IFNLR1: variants seen among roughly 807,000 people sequenced by gnomAD.
The protein encoded by IFNLR1 is interferon lambda receptor 1, also known as CRF2-12.
IFNLR1 carries 28 observed loss-of-function variants against 52.5 expected under a neutral mutation model. The ratio of observed to expected loss-of-function variants is 0.53; its 90% CI spans 0.40 to 0.73. The LOEUF (loss-of-function observed/expected upper bound fraction) is 0.73. Among genes scored for constraint, IFNLR1 ranks in the 30% least tolerant of loss-of-function variants. The pLI, the probability that IFNLR1 is intolerant of heterozygous loss-of-function variation, is 0.00. For synonymous variants in IFNLR1, 276 were observed against 274.9 expected (o/e 1.00, Z -0.04); for missense variants, 623 against 659.1 (o/e 0.95, Z 0.60).
At chr1:24,174,449 C>G (rs1644612082) in intron 2 of IFNLR1, among the ~76,000 whole-genome samples, 1 of 151,926 alleles carries the variant, frequency 6.6e-6, no homozygotes, top group Admixed American at 6.6e-5. Flanking sequence ...TTAGAGAAAG[C>G]CTATATTGCC....
chr1:24,163,764 A>G (rs1644490987), intron 3 of IFNLR1, among the ~76,000 whole-genome samples: 1 of 152,030 alleles, frequency 6.6e-6, no homozygotes, highest in South Asian at 2.1e-4. Flanking sequence ...TTTTTAGTAG[A>G]GATGGGGTTT....
At chr1:24,182,849 G>A (rs573894544) in intron 1 of IFNLR1, among the ~76,000 whole-genome samples, 109 of 152,060 alleles carry the variant, frequency 7.2e-4, no homozygotes, top group Non-Finnish European at 1.5e-3. Context: ...GAATCCGGGA[G>A]GTGGAGGTTG....
chr1:24,165,119 G>C (rs1308458872), intron 3 of IFNLR1, among the ~76,000 whole-genome samples: 1 of 152,082 alleles, frequency 6.6e-6, no homozygotes, highest in African/African-American at 2.4e-5. Flanking sequence ...AAATCATCAA[G>C]TCCTGGTTCC....
chr1:24,166,241 AATC>A (rs1644518670), intron 3 of IFNLR1, among the ~76,000 whole-genome samples: 1 of 150,726 alleles, frequency 6.6e-6, no homozygotes, highest in East Asian at 2.0e-4. Flanking sequence ...CTTTCTTCTC[AATC>A]ATCCTTTCTA....
At chr1:24,184,667 G>C (rs146836989) in intron 1 of IFNLR1, among the ~76,000 whole-genome samples, 1 of 152,034 alleles carries the variant, frequency 6.6e-6, no homozygotes, top group Non-Finnish European at 1.5e-5. Flanking sequence ...CTTCCTCCAG[G>C]GAATCTTCCT....
intron 1 of IFNLR1, among the ~76,000 whole-genome samples, chr1:24,186,791 C>G (rs1320685524): frequency 2.0e-5 from 3 of 152,186 alleles, no homozygotes; most frequent in African/African-American, 7.2e-5. Flanking sequence ...CTGGCAGGAA[C>G]GGGAAGGGAC....
At chr1:24,180,410 C>G (rs1644677164) in intron 2 of IFNLR1, among the ~76,000 whole-genome samples, 4 of 152,226 alleles carry the variant, frequency 2.6e-5, no homozygotes, top group South Asian at 2.1e-4. Context: ...GGGACAGCTC[C>G]AAGCACCTCA....
At chr1:24,177,576 T>C (rs528750366) in intron 2 of IFNLR1, among the ~76,000 whole-genome samples, 1 of 152,330 alleles carries the variant, frequency 6.6e-6, no homozygotes, top group African/African-American at 2.4e-5. Context: ...TGGCAGCCAG[T>C]TGGGTTGTGC....
chr1:24,163,702 C>T (rs1160857070), intron 3 of IFNLR1, among the ~76,000 whole-genome samples: 3 of 152,068 alleles, frequency 2.0e-5, no homozygotes, highest in Non-Finnish European at 4.4e-5. Flanking sequence ...GCCTCAGCCT[C>T]CCGAGTAGCT....
Position 24,159,726 on chromosome 1 carries a change from G to GTTTTGTTTTTTTTGT in IFNLR1, c.511-94_511-93insACAAAAAAAACAAAA. 43 of 761,870 alleles carry GTTTTGTTTTTTTTGT rather than the reference G, an allele frequency of 5.6e-5. 1 individual carries two copies. The highest frequency in any genetic ancestry group is 3.3e-4 in the Middle Eastern group (1 of 3,024). 47.2% of individuals were successfully genotyped at this position (761,870 alleles called of 1,614,324 possible). ...GTGGGGTTGGCAGACATGGTAGGGT[G>GTTTTGTTTTTTTTGT]TTTTTTTTTTGTTTTTTTTTTTTGT... On this transcript the variant is annotated intron_variant, in intron 4 of 6. Transcript: ENST00000327535.
In IFNLR1 at chr1:24,161,391, T is replaced by TTA. The variant is rs1471409819; in HGVS notation, c.510+150_510+151insTA. 7.2e-6 allele frequency: 6 copies of TTA among 828,684 alleles called. No homozygotes were observed. The South Asian group carries it at 8.7e-5, about 12-fold the overall frequency. 51.3% of individuals were successfully genotyped at this position (828,684 alleles called of 1,614,324 possible). A position where few individuals can be genotyped will look rare whatever the true frequency, so the allele number is the denominator to read the frequency against. On this transcript the variant is annotated intron_variant, in intron 4 of 6. Transcript: ENST00000327535. Reference sequence around the variant, plus strand: ...TGTAGGTCATCATACTTTGATCAGATTTTATTAGGGCTGACTGCCAGAAGT... The same window carrying TTA: ...TGTAGGTCATCATACTTTGATCAGATTATTTATTAGGGCTGACTGCCAGAAGT...
chr1:24,159,902 A>G (rs949627740), intron 4 of IFNLR1, among the ~76,000 whole-genome samples: 14 of 150,692 alleles, frequency 9.3e-5, no homozygotes, highest in Non-Finnish European at 5.9e-5. Flanking sequence ...ACACCACCAT[A>G]CCTGGGTAAT....
At chr1:24,187,286 CCCCGCCT>C (rs974020339) in exon 1 of IFNLR1, 33 of 1,224,992 alleles carry the variant, frequency 2.7e-5, no homozygotes, top group East Asian at 6.4e-5. Context: ...GGGCCCAGGT[CCCCGCCT>C]CCCGCCTCCC....
In IFNLR1 at chr1:24,157,324, C is replaced by CTT; in HGVS notation, c.1368_1369insAA (p.Glu457LysfsTer17). 6.2e-7 allele frequency: 1 copy of CTT among 1,614,170 alleles called. No homozygotes were observed. The highest frequency in any genetic ancestry group is 8.5e-7 in the Non-Finnish European group (1 of 1,180,026). On this transcript the variant is annotated frameshift_variant, in exon 7 of 7. Transcript: ENST00000327535. LOFTEE classifies it high-confidence loss of function. The surrounding 1 kb of genome is among the most constrained non-coding windows in gnomAD (Gnocchi z 5.1). ...GGTCCCCCAGGGACCAGATTCGGCT[C>CTT]CGGTGGTAAGGTGCCCCAGGTGGCC...
At chr1:24,180,555 C>T (rs1644678658) in intron 2 of IFNLR1, among the ~76,000 whole-genome samples, 176 bp downstream of exon 2, 1 of 152,118 alleles carries the variant, frequency 6.6e-6, no homozygotes, top group Admixed American at 6.5e-5. Context: ...ATCTTCCCCA[C>T]CTCCAGACCT....
At chr1:24,176,096 G>A (rs1203749598) in intron 2 of IFNLR1, among the ~76,000 whole-genome samples, 3 of 152,086 alleles carry the variant, frequency 2.0e-5, no homozygotes, top group South Asian at 2.1e-4. Context: ...ATCCACTGAC[G>A]GGAAAATGGA....
At position 24,157,547 on chromosome 1, in the gene IFNLR1, A is replaced by G. The variant is rs568899756; in HGVS notation, c.1146T>C (p.Ala382=). ...CCCAGCTTCTGTCTGAAGAATCCCA[A>G]GCAGAGGAGCCTTCGCTTGGGACCA... ...APLVPSEGSS[A]WDSSDRSWAS... is the part of the protein sequence containing the mutation. Residue 382 remains alanine (A), a synonymous_variant, in exon 7 of 7, where the codon GCT becomes GCC. Coordinates refer to ENST00000327535, the MANE Select transcript of IFNLR1 (RefSeq NM_170743.4). This position sits in a 1 kb window ranked among gnomAD's most constrained non-coding sequence, Gnocchi z 5.1. The G allele has an allele frequency of 1.2e-6, 2 of 1,612,036 alleles. No homozygotes were observed. The highest frequency in any genetic ancestry group is 4.5e-5 in the East Asian group (2 of 44,856).
At chr1:24,177,250 C>A (rs1265227763) in intron 2 of IFNLR1, among the ~76,000 whole-genome samples, 1 of 152,158 alleles carries the variant, frequency 6.6e-6, no homozygotes, top group Non-Finnish European at 1.5e-5. Flanking sequence ...AATTGGCTCA[C>A]ACGATCACAA....
chr1:24,159,259 A>T, intron 5 of IFNLR1, 77 bp from the exon 6 acceptor site: 1 of 1,528,112 alleles, frequency 6.5e-7, no homozygotes, highest in Non-Finnish European at 9.0e-7. Context: ...AGTGCTTCAC[A>T]TACATGACCC....
Sources: gnomAD v4.1 joint callset for allele counts (sites outside exome capture counted in the v4.1 genomes callset) on GRCh38, gnomAD v4.1.1 for gene constraint, Gnocchi (gnomAD v3.1) non-coding constraint, MANE v1.5 for transcripts, NCBI Gene and HGNC (gene_info 2026-07-23, HGNC 2026-07-21) for gene names.